Variants in NPEPPS observed in about 807,000 individuals in gnomAD.
NPEPPS encodes aminopeptidase puromycin sensitive.
In NPEPPS, 14 loss-of-function variants were observed where a neutral mutation model predicts 115.5. The observed-to-expected ratio is 0.12, with a 90% CI of 0.08 to 0.19. The LOEUF is 0.19. Ranked by LOEUF, NPEPPS falls within the 10% of genes least tolerant of loss-of-function variation. The probability of loss-of-function intolerance (pLI) is 1.00; values close to 1 mark genes in which losing one functional copy is unlikely to be tolerated. For missense variants in NPEPPS, 523 were observed against 1,110.8 expected (o/e 0.47, Z 7.52); for synonymous variants, 285 against 390.6 (o/e 0.73, Z 3.19).
At chr17:47,611,711 G>T (rs573744893) in intron 17 of NPEPPS, among the ~76,000 whole-genome samples, 1 of 152,274 alleles carries the variant, frequency 6.6e-6, no homozygotes, top group Non-Finnish European at 1.5e-5. Context: ...GGGCTCAAGC[G>T]ATCCTCTTGC....
chr17:47,610,942 C>T (rs1315314192), intron 17 of NPEPPS, among the ~76,000 whole-genome samples: 7 of 149,196 alleles, frequency 4.7e-5, no homozygotes, highest in South Asian at 2.1e-4. Flanking sequence ...CAACCTCCGC[C>T]TCCTGGGTTC....
At chr17:47,559,199 G>A (rs2611973) in intron 2 of NPEPPS, among the ~76,000 whole-genome samples, 2 of 152,092 alleles carry the variant, frequency 1.3e-5, no homozygotes, top group African/African-American at 4.8e-5. Context: ...ATACGCTACC[G>A]TGGTGCCTGG....
At chr17:47,537,213 A>G (rs1227273265) in intron 1 of NPEPPS, among the ~76,000 whole-genome samples, 16 of 152,126 alleles carry the variant, frequency 1.1e-4, no homozygotes, top group Non-Finnish European at 2.2e-4. Context: ...ATATAAAATT[A>G]AATTCAAAAT....
At chr17:47,614,714 AC>A (rs1914083283) in intron 19 of NPEPPS, among the ~76,000 whole-genome samples, 1 of 152,258 alleles carries the variant, frequency 6.6e-6, no homozygotes, top group Non-Finnish European at 1.5e-5. Context: ...GCTTGAGTGC[AC>A]TGGCTACATT....
chr17:47,543,542 G>C (rs528227321), intron 1 of NPEPPS, among the ~76,000 whole-genome samples: 47 of 149,222 alleles, frequency 3.1e-4, no homozygotes, highest in African/African-American at 1.1e-3. Context: ...GGTCAGGCTG[G>C]TGTTGAACTC....
At chr17:47,621,689 G>A (rs1456782311) in intron 22 of NPEPPS, 79 bp from the exon 23 acceptor site, 17 of 1,369,272 alleles carry the variant, frequency 1.2e-5, no homozygotes, top group African/African-American at 1.4e-5. Context: ...ATATAGACCA[G>A]TGGGTATTTT....
intron 12 of NPEPPS, among the ~76,000 whole-genome samples, chr17:47,593,704 A>G (rs1912655196): frequency 6.6e-6 from 1 of 152,252 alleles, no homozygotes; most frequent in South Asian, 2.1e-4. Flanking sequence ...GTCCTAGGCT[A>G]TGTACACCTA....
At chr17:47,607,816 G>T (rs1170851643) in intron 17 of NPEPPS, among the ~76,000 whole-genome samples, 1 of 152,186 alleles carries the variant, frequency 6.6e-6, no homozygotes, top group Non-Finnish European at 1.5e-5. Context: ...AAGTTGCCAT[G>T]TACAGGGATA....
intron 22 of NPEPPS, among the ~76,000 whole-genome samples, chr17:47,620,807 C>T (rs1263471121): frequency 6.6e-6 from 1 of 152,158 alleles, no homozygotes; most frequent in Non-Finnish European, 1.5e-5. Flanking sequence ...GCTTTGTTTT[C>T]TGTGAAACCA....
chr17:47,539,110 T>C (rs1430924630), intron 1 of NPEPPS, among the ~76,000 whole-genome samples: 1 of 150,970 alleles, frequency 6.6e-6, no homozygotes, highest in Non-Finnish European at 1.5e-5. Flanking sequence ...CTTTTTTTTT[T>C]TTTTTTCTTT....
chr17:47,594,770 C>CT (rs1912754536), intron 12 of NPEPPS, among the ~76,000 whole-genome samples: 1 of 150,600 alleles, frequency 6.6e-6, no homozygotes, highest in Non-Finnish European at 1.5e-5. Flanking sequence ...GTAGCTGGGA[C>CT]TACAGGCGCC....
chr17:47,616,679 G>A (rs1295546171), intron 19 of NPEPPS, among the ~76,000 whole-genome samples: 9 of 147,128 alleles, frequency 6.1e-5, no homozygotes, highest in African/African-American at 2.0e-4. Flanking sequence ...GTAAGACTCC[G>A]TCTCAAAAAA....
At chr17:47,545,043 C>T (rs1291703685) in intron 1 of NPEPPS, among the ~76,000 whole-genome samples, 1 of 151,296 alleles carries the variant, frequency 6.6e-6, no homozygotes, top group Non-Finnish European at 1.5e-5. Context: ...CTCTGTTGTT[C>T]AGGCCGGAGG....
intron 19 of NPEPPS, among the ~76,000 whole-genome samples, chr17:47,614,366 T>A (rs1914062470): frequency 6.6e-6 from 1 of 152,242 alleles, no homozygotes; most frequent in Admixed American, 6.5e-5. Context: ...CTGCCCATTT[T>A]AAGCAAAACG....
chr17:47,607,968 C>G (rs1913614645), intron 17 of NPEPPS, among the ~76,000 whole-genome samples: 1 of 151,920 alleles, frequency 6.6e-6, no homozygotes, highest in Non-Finnish European at 1.5e-5. Flanking sequence ...CCTCAGCCTC[C>G]TGAGTATTTG....
chr17:47,526,143 C>T (rs1370006048), upstream of NPEPPS, among the ~76,000 whole-genome samples: 9 of 152,086 alleles, frequency 5.9e-5, no homozygotes, highest in Non-Finnish European at 8.8e-5. Flanking sequence ...ACCTAGGAGG[C>T]GGAGGTTGCA....
At chr17:47,524,617 C>G (rs1907352079) in intron 1 of NPEPPS, among the ~76,000 whole-genome samples, 2 of 151,642 alleles carry the variant, frequency 1.3e-5, no homozygotes, top group African/African-American at 4.8e-5. Context: ...GCCTCAGCCT[C>G]CTGAGTAGCT....
intron 16 of NPEPPS, among the ~76,000 whole-genome samples, chr17:47,604,684 C>G (rs1031347993): frequency 3.9e-5 from 6 of 152,212 alleles, no homozygotes; most frequent in Non-Finnish European, 8.8e-5. Context: ...TGTATAAACA[C>G]AGATTAGCAT....
At chr17:47,546,032 T>G (rs1401697804) in intron 2 of NPEPPS, 39 bp downstream of exon 2, 1 of 1,530,050 alleles carries the variant, frequency 6.5e-7, no homozygotes, top group East Asian at 2.4e-5. Flanking sequence ...TGTCTGCATG[T>G]GCATATGTGG....
Sources: gnomAD v4.1 joint callset for allele counts (sites outside exome capture counted in the v4.1 genomes callset) on GRCh38, gnomAD v4.1.1 for gene constraint, MANE v1.5 for transcripts, NCBI Gene and HGNC (gene_info 2026-07-23, HGNC 2026-07-21) for gene names.